SPPL3: variants seen among roughly 807,000 people sequenced by gnomAD.
The protein encoded by SPPL3 is signal peptide peptidase like 3, also known as signal peptide peptidase-like 3.
Under a neutral mutation model 42.4 loss-of-function variants are expected in SPPL3, and 5 were observed. The observed-to-expected ratio is 0.12, with a 90% CI of 0.06 to 0.25. The LOEUF is 0.25. SPPL3 is among the 10% of genes least tolerant of loss of function. SPPL3 has a pLI of 1.00. For synonymous variants in SPPL3, 195 were observed against 181.8 expected (o/e 1.07, Z -0.58); for missense variants, 235 against 489.0 (o/e 0.48, Z 4.90).
rs573273730 is a variant in SPPL3 at position 120,899,107 on chromosome 12, C to A, written c.23+4738G>T. On this transcript the variant is annotated intron_variant, in intron 1 of 10. Coordinates refer to ENST00000353487, the MANE Select transcript of SPPL3 (RefSeq NM_139015.5). ...TTAGCACATTCAATCTGTGTTTTCA[C>A]ATGCATTCTTTTACTTCCTCAGTGT... Among the ~76,000 whole-genome samples the A allele has an allele frequency of 1.6e-4, 24 of 152,336 alleles. 1 individual carries two copies. The South Asian group carries it at 4.8e-3, about 30-fold the overall frequency.
At chr12:120,800,464 C>T (rs1379696196) in intron 2 of SPPL3, among the ~76,000 whole-genome samples, 2 of 152,076 alleles carry the variant, frequency 1.3e-5, no homozygotes, top group Non-Finnish European at 2.9e-5. Flanking sequence ...GATCACACCA[C>T]TTCACTCCAC....
At chr12:120,883,486 T>C (rs914011108) in intron 1 of SPPL3, among the ~76,000 whole-genome samples, 22 of 152,256 alleles carry the variant, frequency 1.4e-4, no homozygotes, top group African/African-American at 5.1e-4. Flanking sequence ...CCATAAAAGA[T>C]AATGGTAGAT....
intron 1 of SPPL3, among the ~76,000 whole-genome samples, chr12:120,876,956 A>C (rs902121541): frequency 6.6e-6 from 1 of 152,056 alleles, no homozygotes; most frequent in African/African-American, 2.4e-5. Context: ...AAAAGATAAA[A>C]TCATCTAGCT....
At chr12:120,823,875 AT>A (rs34258841) in intron 1 of SPPL3, among the ~76,000 whole-genome samples, 97 of 147,588 alleles carry the variant, frequency 6.6e-4, no homozygotes, top group African/African-American at 7.7e-4. Flanking sequence ...TCACAAAGAC[AT>A]TTTTTTTTTT....
chr12:120,812,649 C>A (rs1870722595), intron 1 of SPPL3, among the ~76,000 whole-genome samples: 1 of 152,096 alleles, frequency 6.6e-6, no homozygotes, highest in Non-Finnish European at 1.5e-5. Flanking sequence ...GAAGAAGGAA[C>A]TGCAAAGAAA....
chr12:120,875,732 GA>G (rs34326355), intron 1 of SPPL3, among the ~76,000 whole-genome samples: 37,023 of 151,596 alleles, frequency 0.24, 5,608 homozygotes, highest in Non-Finnish European at 0.35. Context: ...TTCCAAGAAG[GA>G]AAAAAATTTT....
At chr12:120,771,271 G>A (rs1424748158) in intron 6 of SPPL3, among the ~76,000 whole-genome samples, 2 of 152,152 alleles carry the variant, frequency 1.3e-5, no homozygotes, top group Non-Finnish European at 2.9e-5. Context: ...GACCCTTCAG[G>A]TCACCTCCTG....
rs570176882 is a variant in SPPL3 at position 120,885,036 on chromosome 12, G to A, written c.23+18809C>T. Among the ~76,000 whole-genome samples, 238 of 152,012 alleles carry A rather than the reference G, an allele frequency of 1.6e-3. 1 individual carries two copies. Among genetic ancestry groups the A allele is most frequent in the African/African-American group, 5.7e-3 (235 of 41,476 alleles). The stretch of plus-strand genomic sequence containing the variant: ...CCAACTAATTTGGAGCTTAATCACT[G>A]CAGACTGCACTCAGTTGGGAACAAA... On this transcript the variant is annotated intron_variant, in intron 1 of 10. Transcript: ENST00000353487.
Position 120,904,172 on chromosome 12 carries a change from A to C in SPPL3, c.-305T>G. The C allele has an allele frequency of 3.7e-6, 1 of 266,780 alleles. No homozygotes were observed. The allele number at this position is 266,780 out of a possible 1,614,324, so 16.5% of individuals were successfully genotyped here. A position where few individuals can be genotyped will look rare whatever the true frequency, so the allele number is the denominator to read the frequency against. ...TGGCGGCGGCGGCGGCGCGGAGAAC[A>C]AGGGGGCCCTGGGGCGGGCGAACGG... On this transcript the variant is annotated 5_prime_UTR_variant, in exon 1 of 11. Coordinates refer to ENST00000353487, the MANE Select transcript of SPPL3 (RefSeq NM_139015.5).
chr12:120,812,602 C>G (rs967018418), intron 1 of SPPL3, among the ~76,000 whole-genome samples: 2 of 152,118 alleles, frequency 1.3e-5, no homozygotes, highest in African/African-American at 2.4e-5. Context: ...GACCTAGGAT[C>G]AAGGCCTGGG....
chr12:120,847,644 C>T (rs189957096), intron 1 of SPPL3, among the ~76,000 whole-genome samples: 28 of 151,662 alleles, frequency 1.8e-4, no homozygotes, highest in African/African-American at 6.5e-4. Flanking sequence ...TTGCCCAGGA[C>T]GGTTTGAAAC....
At chr12:120,774,846 T>C (rs1297955206) in intron 6 of SPPL3, among the ~76,000 whole-genome samples, 4 of 152,088 alleles carry the variant, frequency 2.6e-5, no homozygotes, top group African/African-American at 7.2e-5. Context: ...CTCTCTCTTA[T>C]AGGTTTACCA....
intron 1 of SPPL3, among the ~76,000 whole-genome samples, chr12:120,867,079 T>C (rs778853456): frequency 2.0e-5 from 3 of 152,228 alleles, no homozygotes; most frequent in Non-Finnish European, 4.4e-5. Context: ...TTTAGCAATT[T>C]CTATTGCTTT....
At chr12:120,779,559 GAAAGGAAA>G (rs920200830) in intron 6 of SPPL3, among the ~76,000 whole-genome samples, 4 of 152,170 alleles carry the variant, frequency 2.6e-5, no homozygotes, top group Non-Finnish European at 5.9e-5. Context: ...ACCACCAAAA[GAAAGGAAA>G]AGGTGATAGT....
intron 1 of SPPL3, among the ~76,000 whole-genome samples, chr12:120,849,745 G>C (rs540736121): frequency 5.9e-5 from 9 of 152,070 alleles, no homozygotes; most frequent in Non-Finnish European, 1.0e-4. Flanking sequence ...CTATTTATCC[G>C]AGACTCCTAA....
chr12:120,869,232 G>C (rs577092133), intron 1 of SPPL3, among the ~76,000 whole-genome samples: 1 of 152,132 alleles, frequency 6.6e-6, no homozygotes, highest in Non-Finnish European at 1.5e-5. Context: ...TGGTGACTAC[G>C]ATACCATGAG....
In SPPL3 at chr12:120,830,165, G is replaced by T. The variant is rs534313932; in HGVS notation, c.24-19279C>A. Among the ~76,000 whole-genome samples the T allele has an allele frequency of 4.1e-5, 6 of 145,222 alleles. No homozygotes were observed. In the South Asian group the frequency reaches 1.4e-3, roughly 33 times the overall value. On this transcript the variant is annotated intron_variant, in intron 1 of 10. Coordinates refer to ENST00000353487, the MANE Select transcript of SPPL3 (RefSeq NM_139015.5). ...TTAGATACATTAATATTTGGAAGAT[G>T]TATCTACAGGATTTCCTGACAGAGT...
intron 1 of SPPL3, among the ~76,000 whole-genome samples, chr12:120,818,388 A>G (rs1258381036): frequency 6.6e-6 from 1 of 152,192 alleles, no homozygotes; most frequent in Non-Finnish European, 1.5e-5. Flanking sequence ...GCAAGCCTTT[A>G]CCTTAATAGA....
chr12:120,886,368 TAA>T (rs1873462340), intron 1 of SPPL3, among the ~76,000 whole-genome samples: 1 of 152,144 alleles, frequency 6.6e-6, no homozygotes, highest in African/African-American at 2.4e-5. Context: ...CCAAAAGGCA[TAA>T]AGTCATTCAT....
Sources: gnomAD v4.1 joint callset for allele counts (sites outside exome capture counted in the v4.1 genomes callset) on GRCh38, gnomAD v4.1.1 for gene constraint, MANE v1.5 for transcripts, NCBI Gene and HGNC (gene_info 2026-07-23, HGNC 2026-07-21) for gene names.